FAM162B: variants seen among roughly 807,000 people sequenced by gnomAD.
The protein encoded by FAM162B is family with sequence similarity 162 member B, also known as protein FAM162B.
In FAM162B, 16 loss-of-function variants were observed where a neutral mutation model predicts 20.0. That is an observed-to-expected ratio of 0.80 (90% CI 0.54 to 1.21). FAM162B has a LOEUF of 1.21. Among genes scored for constraint, FAM162B ranks in the 50% most tolerant of loss-of-function variants. The probability of loss-of-function intolerance (pLI) is 0.00; values close to 1 mark genes in which losing one functional copy is unlikely to be tolerated. For synonymous variants in FAM162B, 83 were observed against 89.7 expected, an observed-to-expected ratio of 0.93 and a Z score of 0.42; for missense variants, 260 against 227.5, an observed-to-expected ratio of 1.14 and a Z score of -0.92.
chr6:116,763,821 T>A (rs916510421), intron 2 of FAM162B, among the ~76,000 whole-genome samples: 3 of 151,916 alleles, frequency 2.0e-5, no homozygotes, highest in Non-Finnish European at 4.4e-5. Flanking sequence ...AGTATTAAAT[T>A]TTCAGGCATC....
intron 3 of FAM162B, among the ~76,000 whole-genome samples, chr6:116,759,469 T>A (rs1423130155): frequency 6.6e-6 from 1 of 151,476 alleles, no homozygotes; most frequent in Non-Finnish European, 1.5e-5. Context: ...CCTGGCTAAT[T>A]TTTTTGTATT....
intron 2 of FAM162B, among the ~76,000 whole-genome samples, chr6:116,764,400 T>C (rs1016552630): frequency 6.6e-6 from 1 of 152,138 alleles, no homozygotes; most frequent in Admixed American, 6.5e-5. Flanking sequence ...GCTGCGAAGG[T>C]TTTTGGGCTT....
At chr6:116,756,278 G>C (rs1780049957) in intron 3 of FAM162B, among the ~76,000 whole-genome samples, 1 of 152,128 alleles carries the variant, frequency 6.6e-6, no homozygotes, top group Non-Finnish European at 1.5e-5. Context: ...AACTTTGAGG[G>C]GTTCAAGCCT....
At chr6:116,759,426 GAGTA>G (rs1341364607) in intron 3 of FAM162B, among the ~76,000 whole-genome samples, 15 of 148,574 alleles carry the variant, frequency 1.0e-4, no homozygotes, top group Non-Finnish European at 2.1e-4. Context: ...GTAGCCTCCC[GAGTA>G]GCTGGGACTG....
Position 116,765,243 on chromosome 6 carries a change from C to A in FAM162B, c.185G>T (p.Arg62Leu). 1 of 1,613,656 alleles carries A rather than the reference C, an allele frequency of 6.2e-7. No individual in the cohort carries two copies. The highest frequency in any genetic ancestry group is 8.5e-7 in the Non-Finnish European group (1 of 1,179,908). The change falls in exon 2 of 4, where the codon CGA (arginine) becomes CTA (leucine). Residue 62 changes from arginine to leucine, a missense_variant. Coordinates refer to ENST00000368557, the MANE Select transcript of FAM162B (RefSeq NM_001085480.3). Reference protein sequence around the residue: ...SGPQGHGEIHRVPTQRRPSQF... With the variant: ...SGPQGHGEIHLVPTQRRPSQF... ...CGAAGGCCTGCGCTGCGTGGGGACT[C>A]GGTGAATCTCCCCTGCAGCGAAAGC...
At chr6:116,759,379 G>A (rs1399243494) in intron 3 of FAM162B, among the ~76,000 whole-genome samples, 1 of 145,524 alleles carries the variant, frequency 6.9e-6, no homozygotes, top group African/African-American at 2.5e-5. Context: ...TCGGATCACT[G>A]CAAGCTCCAC....
chr6:116,761,031 G>A (rs1780134719), intron 3 of FAM162B, among the ~76,000 whole-genome samples: 1 of 152,194 alleles, frequency 6.6e-6, no homozygotes, highest in Admixed American at 6.5e-5. Context: ...AGCTCTAATG[G>A]CTTCAGTTGC....
At chr6:116,754,670 T>C (rs1300408741) in intron 3 of FAM162B, among the ~76,000 whole-genome samples, 1 of 149,180 alleles carries the variant, frequency 6.7e-6, no homozygotes, top group African/African-American at 2.5e-5. Context: ...CTTTGCTTTA[T>C]TGTGACTTTC....
chr6:116,765,318 C>A lies in FAM162B; in HGVS notation c.173-63G>T, dbSNP rs1489394842. ...CGCACCGGCACAGAGGATCAGCGCG[C>A]CCTCAAGCCGACTCCCGGGCCGGCC... On this transcript the variant is annotated intron_variant, in intron 1 of 3. Coordinates refer to ENST00000368557, the MANE Select transcript of FAM162B (RefSeq NM_001085480.3). 2.5e-6 allele frequency: 4 copies of A among 1,572,900 alleles called. No individual in the cohort carries two copies. The African/African-American group carries it at 4.1e-5, about 16-fold the overall frequency.
intron 1 of FAM162B, 54 bp downstream of exon 1, chr6:116,765,351 G>T: frequency 3.9e-6 from 6 of 1,522,854 alleles, no homozygotes; most frequent in Non-Finnish European, 5.3e-6. Flanking sequence ...GCCCCTCGCT[G>T]CCCTCCCGCA....
At chr6:116,764,972 C>G (rs948110361) in intron 2 of FAM162B, among the ~76,000 whole-genome samples, 175 bp downstream of exon 2, 1 of 152,178 alleles carries the variant, frequency 6.6e-6, no homozygotes, top group Non-Finnish European at 1.5e-5. Flanking sequence ...TCTTGACACA[C>G]CGCACTGGAG....
chr6:116,761,386 C>T (rs1780140215), intron 3 of FAM162B, among the ~76,000 whole-genome samples: 1 of 152,018 alleles, frequency 6.6e-6, no homozygotes, highest in Non-Finnish European at 1.5e-5. Flanking sequence ...CTCTGCATTT[C>T]TAACTAGTTC....
chr6:116,765,539 C>T lies in FAM162B; in HGVS notation c.38G>A (p.Arg13His). The T allele has an allele frequency of 7.2e-7, 1 of 1,387,474 alleles. No individual in the cohort carries two copies. Among genetic ancestry groups the T allele is most frequent in the Non-Finnish European group, 9.3e-7 (1 of 1,079,050 alleles). 85.9% of individuals were successfully genotyped at this position (1,387,474 alleles called of 1,614,324 possible). The change falls in exon 1 of 4, where the codon CGC becomes CAC. Residue 13 changes from arginine to histidine, a missense_variant. Arg to His is a conservative substitution (Grantham distance 29). Coordinates refer to ENST00000368557, the MANE Select transcript of FAM162B (RefSeq NM_001085480.3). ...GGGGCCGCAGCGGACTGTTAGCCCGCGGCCAAGGCGCAGTAGGCTCCCGAC... is the reference window on the plus strand; with the variant it reads ...GGGGCCGCAGCGGACTGTTAGCCCGTGGCCAAGGCGCAGTAGGCTCCCGAC... ...RAVGSLLRLG[R>H]GLTVRCGPGA...
Position 116,765,580 on chromosome 6 carries a change from G to A in FAM162B, c.-4C>T. ...GGCTCCCGACCGCCCTGAGCATGCTGCCCGCTTGTCCCGCGCCGCACCCGC... is the reference window on the plus strand; with the variant it reads ...GGCTCCCGACCGCCCTGAGCATGCTACCCGCTTGTCCCGCGCCGCACCCGC... On this transcript the variant is annotated 5_prime_UTR_variant, in exon 1 of 4. Transcript: ENST00000368557. The A allele has an allele frequency of 7.5e-7, 1 of 1,334,944 alleles. No individual in the cohort carries two copies. Among genetic ancestry groups the A allele is most frequent in the Non-Finnish European group, 9.5e-7 (1 of 1,050,628 alleles). The allele number at this position is 1,334,944 out of a possible 1,614,324, so 82.7% of individuals were successfully genotyped here.
In FAM162B at chr6:116,765,548, C is replaced by G. The variant is rs1049922955; in HGVS notation, c.29G>C (p.Arg10Pro). 2 of 1,384,480 alleles carry G rather than the reference C, an allele frequency of 1.4e-6. No homozygotes were observed. The highest frequency in any genetic ancestry group is 3.3e-5 in the Admixed American group (1 of 30,032). The allele number at this position is 1,384,480 out of a possible 1,614,324, so 85.8% of individuals were successfully genotyped here. Residue 10 changes from arginine (R) to proline (P), a missense_variant, in exon 1 of 4, where the codon CGC (arginine) becomes CCC (proline). Transcript: ENST00000368557. The stretch of plus-strand genomic sequence containing the variant: ...GCGGACTGTTAGCCCGCGGCCAAGG[C>G]GCAGTAGGCTCCCGACCGCCCTGAG... MLRAVGSLL[R>P]LGRGLTVRCG...
chr6:116,763,864 T>A (rs1320221797), intron 2 of FAM162B, among the ~76,000 whole-genome samples: 2 of 152,034 alleles, frequency 1.3e-5, no homozygotes, highest in Non-Finnish European at 2.9e-5. Context: ...CTTATGATGA[T>A]AAAGACTTTT....
chr6:116,758,499 G>GTTTT, intron 3 of FAM162B, among the ~76,000 whole-genome samples: 1 of 150,286 alleles, frequency 6.7e-6, no homozygotes, highest in East Asian at 1.9e-4. Context: ...GATCTATTTT[G>GTTTT]TATTTTTCCT....
intron 3 of FAM162B, among the ~76,000 whole-genome samples, chr6:116,760,997 T>C (rs1780134478): frequency 1.3e-5 from 2 of 152,172 alleles, no homozygotes; most frequent in African/African-American, 4.8e-5. Context: ...AACCCAGTGT[T>C]CACAACCAAA....
intron 3 of FAM162B, among the ~76,000 whole-genome samples, chr6:116,760,072 C>A (rs1780121763): frequency 6.6e-6 from 1 of 152,172 alleles, no homozygotes; most frequent in Non-Finnish European, 1.5e-5. Context: ...TTCCCTACTA[C>A]AAAATACCTG....
Sources: allele counts gnomAD v4.1 joint callset (sites outside exome capture counted in the v4.1 genomes callset), GRCh38; gene constraint gnomAD v4.1.1; transcripts MANE v1.5; gene names NCBI Gene and HGNC (gene_info 2026-07-23, HGNC 2026-07-21).